The following OR3A2 variants were observed in gnomAD, a reference collection of about 807,000 sequenced individuals.
The protein encoded by OR3A2 is olfactory receptor 3A2.
For synonymous variants in OR3A2, 126 were observed against 159.3 expected, an observed-to-expected ratio of 0.79 and a Z score of 1.57; for missense variants, 318 against 392.8, an observed-to-expected ratio of 0.81 and a Z score of 1.61.
rs796562754 is a variant in OR3A2 at position 3,309,642 on chromosome 17, T to C, written c.-85+26391A>G. On this transcript the variant is annotated intron_variant, in intron 3 of 4. Transcript: ENST00000573491. ...GAGAAATGCAATGTAATATTACTAC[T>C]TGGAAAATCTAAAAGGCTGGTAGTC... is the stretch of plus-strand genomic sequence containing the variant. 8.5e-5 allele frequency among the ~76,000 whole-genome samples: 13 copies of C among 152,314 alleles called. 1 individual carries two copies. The highest frequency in any genetic ancestry group is 3.1e-4 in the African/African-American group (13 of 41,562).
At chr17:3,326,652 ACTAACTCGTCAT>A in intron 3 of OR3A2, among the ~76,000 whole-genome samples, 1 of 145,588 alleles carries the variant, frequency 6.9e-6, no homozygotes, top group Admixed American at 7.1e-5. Context: ...TGCTGCACCC[ACTAACTCGTCAT>A]CTAGTATTAG....
intron 3 of OR3A2, among the ~76,000 whole-genome samples, chr17:3,329,856 T>C (rs1275208937): frequency 8.0e-6 from 1 of 124,814 alleles, no homozygotes; most frequent in Non-Finnish European, 1.6e-5. Context: ...TTTAGTGCTA[T>C]AAATTTCCCT....
intron 3 of OR3A2, among the ~76,000 whole-genome samples, chr17:3,312,866 C>T (rs2049055253): frequency 6.6e-6 from 1 of 152,122 alleles, no homozygotes; most frequent in Non-Finnish European, 1.5e-5. Context: ...TCATGTGATC[C>T]ACCCGCCTCA....
At chr17:3,353,086 T>C (rs1437733610) in intron 2 of OR3A2, among the ~76,000 whole-genome samples, 1 of 151,050 alleles carries the variant, frequency 6.6e-6, no homozygotes, top group South Asian at 2.1e-4. Flanking sequence ...TGATGCTGTA[T>C]CCTGCAACTT....
intron 2 of OR3A2, among the ~76,000 whole-genome samples, chr17:3,371,406 C>G (rs1339925615): frequency 6.7e-6 from 1 of 148,392 alleles, no homozygotes; most frequent in Non-Finnish European, 1.5e-5. Context: ...GACGGGGTGG[C>G]TGGCTGGGCA....
intron 2 of OR3A2, among the ~76,000 whole-genome samples, chr17:3,337,543 C>A (rs761571619): frequency 6.6e-6 from 1 of 151,982 alleles, no homozygotes; most frequent in African/African-American, 2.4e-5. Flanking sequence ...TCTGTCCTTG[C>A]GATAGTTTAC....
chr17:3,338,202 T>C (rs1363451544), intron 2 of OR3A2, among the ~76,000 whole-genome samples: 2 of 152,196 alleles, frequency 1.3e-5, no homozygotes, highest in South Asian at 4.1e-4. Context: ...TTGCAAAAAT[T>C]TTCTCCCATT....
chr17:3,281,559 C>T (rs528438881), intron 1 of OR3A2, among the ~76,000 whole-genome samples: 24 of 152,094 alleles, frequency 1.6e-4, no homozygotes, highest in Non-Finnish European at 3.4e-4. Flanking sequence ...AAAGCACCCA[C>T]CTGATCACTG....
At chr17:3,384,087 T>C (rs926782872) in intron 1 of OR3A2, among the ~76,000 whole-genome samples, 1 of 152,168 alleles carries the variant, frequency 6.6e-6, no homozygotes, top group African/African-American at 2.4e-5. Context: ...AGCTCCTTCC[T>C]GCAAGGAGCT....
chr17:3,302,592 T>C (rs231693), intron 3 of OR3A2, among the ~76,000 whole-genome samples: 96,596 of 152,114 alleles, frequency 0.64, 31,495 homozygotes, highest in East Asian at 1. Context: ...AAAATTGTAC[T>C]ATCACATGAA....
chr17:3,376,778 A>G (rs2150667628), intron 2 of OR3A2, among the ~76,000 whole-genome samples: 1 of 87,584 alleles, frequency 1.1e-5, no homozygotes, highest in East Asian at 3.3e-4. Flanking sequence ...GTCAGCTAGA[A>G]GCTTCCTTCA....
intron 3 of OR3A2, among the ~76,000 whole-genome samples, chr17:3,289,958 C>T (rs1469591688): frequency 2.6e-5 from 4 of 152,044 alleles, no homozygotes; most frequent in African/African-American, 4.8e-5. Context: ...TTGGGCAGTT[C>T]GTCACAAATT....
chr17:3,300,831 T>TCCCTCCC (rs1178049229), intron 3 of OR3A2, among the ~76,000 whole-genome samples: 1 of 130,670 alleles, frequency 7.7e-6, no homozygotes, highest in Non-Finnish European at 1.6e-5. Flanking sequence ...CCTAATGCTG[T>TCCCTCCC]CCCTCCCCCC....
chr17:3,302,442 C>T (rs2086723), intron 3 of OR3A2, among the ~76,000 whole-genome samples: 95,912 of 151,430 alleles, frequency 0.63, 31,153 homozygotes, highest in East Asian at 1. Context: ...TAATACCACA[C>T]ATCTACAACC....
At chr17:3,386,171 T>A (rs1297868987) in exon 1 of OR3A2, 1 of 398,760 alleles carries the variant, frequency 2.5e-6, no homozygotes, top group Admixed American at 4.4e-5. Context: ...GTCCCCAGGC[T>A]GCTGGCCGGC....
At chr17:3,333,173 G>T (rs868212960) in intron 3 of OR3A2, among the ~76,000 whole-genome samples, 1 of 152,120 alleles carries the variant, frequency 6.6e-6, no homozygotes, top group Non-Finnish European at 1.5e-5. Flanking sequence ...ATAAATTGCC[G>T]CTCTGGGAGC....
At chr17:3,317,717 G>A (rs1276074098) in intron 3 of OR3A2, among the ~76,000 whole-genome samples, 1 of 152,146 alleles carries the variant, frequency 6.6e-6, no homozygotes, top group Non-Finnish European at 1.5e-5. Context: ...GTATAGTGTA[G>A]AACATGTTAA....
At chr17:3,374,975 C>T (rs2049667183) in intron 2 of OR3A2, among the ~76,000 whole-genome samples, 1 of 151,796 alleles carries the variant, frequency 6.6e-6, no homozygotes, top group Non-Finnish European at 1.5e-5. Flanking sequence ...TTTTCTATTC[C>T]TGAGTTACTT....
upstream of OR3A2, among the ~76,000 whole-genome samples, chr17:3,285,285 G>A (rs917572701): frequency 3.3e-5 from 5 of 152,018 alleles, no homozygotes; most frequent in South Asian, 2.1e-4. Context: ...AGGGAGTTGT[G>A]GTGCAGTAGA....
Sources: allele counts gnomAD v4.1 joint callset (sites outside exome capture counted in the v4.1 genomes callset), GRCh38; gene constraint gnomAD v4.1.1; transcripts MANE v1.5; gene names NCBI Gene and HGNC (gene_info 2026-07-23, HGNC 2026-07-21).